XIST: variants seen among roughly 807,000 people sequenced by gnomAD.
The protein encoded by XIST is X inactive specific transcript.
chrX:73,848,554 T>C, exon 1 of XIST: 1 of 557,873 alleles, frequency 1.8e-6, no homozygotes, highest in East Asian at 3.2e-5. Context: ...TCAGCCCACA[T>C]TGTAGCGTGC....
At chrX:73,841,232 C>G (rs1441366719) in intron 1 of XIST, 1 of 367,386 alleles carries the variant, frequency 2.7e-6, no homozygotes, top group Non-Finnish European at 4.7e-6. Context: ...ATGTATGTAT[C>G]TATTTCTCTC....
chrX:73,850,155 T>C (rs1388604934), exon 1 of XIST: 1 of 555,772 alleles, frequency 1.8e-6, no homozygotes, highest in African/African-American at 2.3e-5. Flanking sequence ...GGTCATGAAG[T>C]TAAATTTTTT....
rs1293994991 is a variant in XIST at position 73,843,386 on chromosome X, CAA to C, written n.9336_9337del. 5 of 558,380 alleles carry C rather than the reference CAA, an allele frequency of 9.0e-6. No homozygotes were observed. The East Asian group carries it at 1.6e-4, about 18-fold the overall frequency. 46.0% of individuals were successfully genotyped at this position (558,380 alleles called of 1,213,427 possible). On this transcript the variant is annotated non_coding_transcript_exon_variant, in exon 1 of 6. Coordinates refer to ENST00000429829, the Ensembl canonical transcript of XIST. ...ATTGTTATTAATGCTATTAATTGTC[CAA>C]GAGCTGAGATTATGAGTAGTTAACA...
exon 6 of XIST, chrX:73,825,021 A>T: frequency 1.9e-6 from 1 of 515,409 alleles, no homozygotes; most frequent in South Asian, 2.4e-5. Flanking sequence ...TGACATTTGT[A>T]TCATGCTTTA....
chrX:73,851,027 T>C (rs1328028612), exon 1 of XIST: 20 of 558,110 alleles, frequency 3.6e-5, no homozygotes, highest in Non-Finnish European at 6.1e-5. Context: ...AGTGCCATGC[T>C]AATTCACCCA....
At chrX:73,842,568 C>T (rs757823260) in exon 1 of XIST, 11 of 556,912 alleles carry the variant, frequency 2.0e-5, no homozygotes, top group Non-Finnish European at 3.6e-5. Flanking sequence ...TGCACCAACA[C>T]ACCAAAGTGG....
At chrX:73,843,206 G>A in exon 1 of XIST, 1 of 558,396 alleles carries the variant, frequency 1.8e-6, no homozygotes. Flanking sequence ...GTAATGCAAA[G>A]GGGATACTAG....
chrX:73,833,591 A>T (rs774707511), intron 2 of XIST: 27 of 268,176 alleles, frequency 1.0e-4, no homozygotes, highest in African/African-American at 5.6e-4. Flanking sequence ...GAAGAAAAAG[A>T]ACTACATGAA....
At chrX:73,850,767 G>A in exon 1 of XIST, 1 of 314,068 alleles carries the variant, frequency 3.2e-6, no homozygotes. Context: ...TTGGGGGGTG[G>A]GGGGGGAGGT....
At chrX:73,847,174 A>G (rs372785989) in exon 1 of XIST, 23 of 557,673 alleles carry the variant, frequency 4.1e-5, no homozygotes, top group Middle Eastern at 6.1e-4. Flanking sequence ...AGCAGCAAAT[A>G]TAAGTATGCA....
chrX:73,825,648 T>TA (rs770347854), exon 6 of XIST: 2 of 513,023 alleles, frequency 3.9e-6, no homozygotes, highest in South Asian at 5.0e-5. Context: ...AAACGTTGTT[T>TA]AAAAAACAAA....
At chrX:73,847,727 C>A (rs1429302135) in exon 1 of XIST, 2 of 554,888 alleles carry the variant, frequency 3.6e-6, no homozygotes, top group Non-Finnish European at 3.3e-6. Flanking sequence ...CATTAAGAGT[C>A]ATGGATAATT....
chrX:73,822,818 C>T, exon 6 of XIST: 1 of 558,607 alleles, frequency 1.8e-6, no homozygotes. Flanking sequence ...TCCCACTCTA[C>T]AACGCATGTC....
chrX:73,825,248 A>C (rs1922223624), exon 6 of XIST: 1 of 559,076 alleles, frequency 1.8e-6, no homozygotes, highest in East Asian at 3.2e-5. Flanking sequence ...TTTTACTCAA[A>C]ATTACCAGAG....
chrX:73,821,989 G>A, exon 6 of XIST: 1 of 558,243 alleles, frequency 1.8e-6, no homozygotes, highest in Non-Finnish European at 3.2e-6. Context: ...CGTTATCTGA[G>A]GATTGTTTCT....
chrX:73,821,825 T>C (rs776989224), exon 6 of XIST: 2 of 533,733 alleles, frequency 3.7e-6, no homozygotes, highest in East Asian at 6.7e-5. Context: ...AACTTAAGCA[T>C]GGTAAAATGT....
chrX:73,825,065 A>T (rs1338469422), exon 6 of XIST: 2 of 514,800 alleles, frequency 3.9e-6, no homozygotes, highest in Non-Finnish European at 7.0e-6. Context: ...ACCTTTCTGA[A>T]ATTTTTTGTT....
exon 1 of XIST, chrX:73,852,294 G>C (rs781331485): frequency 1.8e-6 from 1 of 541,934 alleles, no homozygotes; most frequent in Non-Finnish European, 3.3e-6. Flanking sequence ...GCCCCGATGG[G>C]CGAATAAAAA....
intron 2 of XIST, among the ~76,000 whole-genome samples, chrX:73,834,257 G>A (rs180967259): frequency 5.5e-4 from 62 of 112,267 alleles, no homozygotes; most frequent in African/African-American, 1.7e-3. Context: ...TTAAATAAAC[G>A]GATCCTAGCT....
Sources: gnomAD v4.1 joint callset for allele counts (sites outside exome capture counted in the v4.1 genomes callset) on GRCh38, gnomAD v4.1.1 for gene constraint, MANE v1.5 for transcripts, NCBI Gene and HGNC (gene_info 2026-07-23, HGNC 2026-07-21) for gene names.